ZNF385C: variants seen among roughly 807,000 people sequenced by gnomAD.
ZNF385C encodes the protein CTD-2132N18.2.
In ZNF385C, 28 loss-of-function variants were observed where a neutral mutation model predicts 35.4. The observed-to-expected ratio is 0.79, with a 90% CI of 0.59 to 1.08. The LOEUF is 1.08. ZNF385C is among the 50% of genes least tolerant of loss of function. The pLI, the probability that ZNF385C is intolerant of heterozygous loss-of-function variation, is 0.00. For synonymous variants in ZNF385C, 248 were observed against 248.2 expected (o/e 1.00, Z 0.01); for missense variants, 605 against 595.6 (o/e 1.02, Z -0.16).
intron 1 of ZNF385C, among the ~76,000 whole-genome samples, chr17:42,084,928 T>C (rs782632305): frequency 6.6e-6 from 1 of 152,200 alleles, no homozygotes; most frequent in Non-Finnish European, 1.5e-5. Flanking sequence ...GTCATAATTT[T>C]AATTATGTTC....
chr17:42,035,784 C>G (rs995494731), intron 3 of ZNF385C, among the ~76,000 whole-genome samples: 29 of 151,876 alleles, frequency 1.9e-4, no homozygotes, highest in Non-Finnish European at 1.8e-4. Context: ...AACTCCTGCC[C>G]TCAAAATGAT....
chr17:42,097,986 C>A (rs1467724188), intron 1 of ZNF385C, among the ~76,000 whole-genome samples: 2 of 152,220 alleles, frequency 1.3e-5, no homozygotes, highest in Non-Finnish European at 2.9e-5. Flanking sequence ...CATTAGCCCA[C>A]GGAACAGAAG....
intron 1 of ZNF385C, among the ~76,000 whole-genome samples, chr17:42,085,446 T>TC (rs1246512937): frequency 1.3e-5 from 2 of 150,716 alleles, no homozygotes; most frequent in East Asian, 1.9e-4. Flanking sequence ...TTTTTTTCTT[T>TC]TTTTTTTTTT....
At chr17:42,035,985 ATTTT>A (rs567371576) in intron 3 of ZNF385C, among the ~76,000 whole-genome samples, 1 of 150,262 alleles carries the variant, frequency 6.7e-6, no homozygotes, top group South Asian at 2.1e-4. Flanking sequence ...ATTAATTTGG[ATTTT>A]TTTTCTTTTC....
intron 5 of ZNF385C, among the ~76,000 whole-genome samples, chr17:42,030,301 A>T (rs2052697782): frequency 6.6e-6 from 1 of 152,180 alleles, no homozygotes; most frequent in African/African-American, 2.4e-5. Flanking sequence ...CAGCCTGGCC[A>T]ATATGGTGAA....
chr17:42,098,196 A>T (rs56235516), intron 1 of ZNF385C, among the ~76,000 whole-genome samples: 43 of 152,308 alleles, frequency 2.8e-4, no homozygotes, highest in African/African-American at 1.0e-3. Context: ...GGCATCAGGG[A>T]TAACCAGCCA....
At chr17:42,066,562 A>ATGAAATGATC (rs1161088416) in intron 1 of ZNF385C, among the ~76,000 whole-genome samples, 1 of 152,184 alleles carries the variant, frequency 6.6e-6, no homozygotes, top group Admixed American at 6.5e-5. Context: ...TGCCCAGACC[A>ATGAAATGATC]TGAAATGAGA....
rs2143485330 is a variant in ZNF385C, at chr17:42,027,071, CG to C, written c.1337del (p.Pro446ArgfsTer79). ...KTLAARFLPS[P>X]LPTAATAICA... ...AGATGGCAGTGGCTGCGGTGGGGAG[CG>C]GGCTGGGCAGGAAGCGGGCTGCCAA... is the stretch of plus-strand genomic sequence containing the variant. On this transcript the variant is annotated frameshift_variant, in exon 9 of 9. Coordinates refer to ENST00000692273, the MANE Select transcript of ZNF385C (RefSeq NM_001392013.1). LOFTEE classifies it high-confidence loss of function. 1 of 1,608,688 alleles carries C rather than the reference CG, an allele frequency of 6.2e-7. No individual in the cohort carries two copies. Among genetic ancestry groups the C allele is most frequent in the South Asian group, 1.1e-5 (1 of 90,238 alleles).
intron 1 of ZNF385C, among the ~76,000 whole-genome samples, chr17:42,083,091 A>G (rs1474705634): frequency 6.6e-6 from 1 of 152,138 alleles, no homozygotes; most frequent in Non-Finnish European, 1.5e-5. Flanking sequence ...AAACCAAAAC[A>G]ACAAAAAACA....
chr17:42,047,776 C>G (rs2053197780), intron 2 of ZNF385C, among the ~76,000 whole-genome samples: 1 of 151,850 alleles, frequency 6.6e-6, no homozygotes, highest in Admixed American at 6.6e-5. Flanking sequence ...GCCTCAGCCT[C>G]CTGAGTAGCT....
rs76452212 is a variant in ZNF385C at position 42,095,014 on chromosome 17, G to A, written c.-3+3396C>T. On this transcript the variant is annotated intron_variant, in intron 1 of 8. Coordinates refer to ENST00000692273, the MANE Select transcript of ZNF385C (RefSeq NM_001392013.1). The surrounding 1 kb of genome is among the most constrained non-coding windows in gnomAD (Gnocchi z 4.4). ...CTGACCTGGGGTGGGGTTTAGGAGCGCACAACCCTATACACAGACCTCTGG... is the reference window on the plus strand; with the variant it reads ...CTGACCTGGGGTGGGGTTTAGGAGCACACAACCCTATACACAGACCTCTGG... Among the ~76,000 whole-genome samples, 986 of 152,250 alleles carry A rather than the reference G, an allele frequency of 6.5e-3. 21 individuals are homozygous for A. The East Asian group carries it at 0.078, about 12-fold the overall frequency.
chr17:42,042,846 C>A, intron 2 of ZNF385C: 1 of 1,232,336 alleles, frequency 8.1e-7, no homozygotes, highest in Non-Finnish European at 1.0e-6. Context: ...GCATGTCCCT[C>A]ACCCTCCTGG....
chr17:42,032,072 G>GT (rs1184243175), intron 4 of ZNF385C, among the ~76,000 whole-genome samples: 3 of 151,972 alleles, frequency 2.0e-5, no homozygotes, highest in African/African-American at 4.8e-5. Flanking sequence ...TTTGTTTTTT[G>GT]TTTTTTGAGA....
chr17:42,078,738 G>T (rs1276624815), intron 1 of ZNF385C, among the ~76,000 whole-genome samples: 2 of 152,150 alleles, frequency 1.3e-5, no homozygotes, highest in Non-Finnish European at 2.9e-5. Context: ...GCAGAGGCAG[G>T]GGCATGGACA....
chr17:42,028,620 T>A, intron 6 of ZNF385C, 163 bp downstream of exon 6: 1 of 870,104 alleles, frequency 1.1e-6, no homozygotes, highest in South Asian at 1.8e-5. Flanking sequence ...CCCCAAGGAG[T>A]AATGGGAGGA....
chr17:42,054,969 C>A (rs1469667905), intron 2 of ZNF385C, among the ~76,000 whole-genome samples: 1 of 152,090 alleles, frequency 6.6e-6, no homozygotes, highest in African/African-American at 2.4e-5. Flanking sequence ...TCCTTCCTCT[C>A]CCTCCTCTTC....
chr17:42,053,691 G>C (rs1225110088), intron 2 of ZNF385C, among the ~76,000 whole-genome samples: 1 of 152,134 alleles, frequency 6.6e-6, no homozygotes, highest in Non-Finnish European at 1.5e-5. Flanking sequence ...CTGGGAAAAG[G>C]GTTGAGAGTA....
intron 1 of ZNF385C, among the ~76,000 whole-genome samples, chr17:42,083,697 C>T (rs1250065163): frequency 7.1e-5 from 6 of 84,174 alleles, no homozygotes; most frequent in African/African-American, 2.9e-4. Context: ...TTCTGTATTG[C>T]TTTTCAAGTC....
chr17:42,060,765 G>C (rs1014483901), intron 2 of ZNF385C, among the ~76,000 whole-genome samples: 10 of 152,102 alleles, frequency 6.6e-5, no homozygotes, highest in Non-Finnish European at 5.9e-5. Flanking sequence ...GCCCCGGCTG[G>C]AGTGCAATGG....
Sources: allele counts gnomAD v4.1 joint callset (sites outside exome capture counted in the v4.1 genomes callset), GRCh38; gene constraint gnomAD v4.1.1; non-coding constraint Gnocchi (gnomAD v3.1); transcripts MANE v1.5; gene names NCBI Gene and HGNC (gene_info 2026-07-23, HGNC 2026-07-21).